NGEF: variants seen among roughly 807,000 people sequenced by gnomAD.
NGEF encodes neuronal guanine nucleotide exchange factor.
Under a neutral mutation model 80.9 loss-of-function variants are expected in NGEF, and 31 were observed. The ratio of observed to expected loss-of-function variants is 0.38; its 90% confidence interval spans 0.29 to 0.52. The LOEUF is 0.52. NGEF is among the 20% of genes least tolerant of loss of function. The pLI is 0.84. For missense variants in NGEF, 709 were observed against 926.2 expected, an observed-to-expected ratio of 0.77 and a Z score of 3.04; for synonymous variants, 371 against 370.2, an observed-to-expected ratio of 1.00 and a Z score of -0.03.
At chr2:232,954,720 G>T (rs552322321) in intron 3 of NGEF, among the ~76,000 whole-genome samples, 7 of 118,178 alleles carry the variant, frequency 5.9e-5, no homozygotes, top group African/African-American at 1.9e-4. Flanking sequence ...GCGAGACTCC[G>T]TCTCAAAAGA....
At chr2:232,956,202 G>T (rs535401336) in intron 3 of NGEF, among the ~76,000 whole-genome samples, 2 of 151,676 alleles carry the variant, frequency 1.3e-5, no homozygotes, top group Admixed American at 1.3e-4. Context: ...CAACCACTCT[G>T]AGTGGTTGTC....
chr2:232,988,771 C>A (rs1411873220), intron 1 of NGEF, among the ~76,000 whole-genome samples: 1 of 151,906 alleles, frequency 6.6e-6, no homozygotes, highest in Non-Finnish European at 1.5e-5. Context: ...GAAACTGGCC[C>A]CACAGATGAG....
At chr2:232,967,526 G>C (rs1694087043) in intron 3 of NGEF, among the ~76,000 whole-genome samples, 1 of 151,906 alleles carries the variant, frequency 6.6e-6, no homozygotes, top group African/African-American at 2.4e-5. Context: ...GAAGAGACAG[G>C]GTTTTGTCAT....
chr2:233,009,470 A>G, intron 1 of NGEF, among the ~76,000 whole-genome samples: 1 of 151,940 alleles, frequency 6.6e-6, no homozygotes, highest in East Asian at 1.9e-4. Context: ...AGGACACCCC[A>G]CTGCACCCGG....
intron 3 of NGEF, among the ~76,000 whole-genome samples, chr2:232,943,143 C>T (rs1037916340): frequency 6.6e-6 from 1 of 151,758 alleles, no homozygotes; most frequent in Non-Finnish European, 1.5e-5. Context: ...GATAGATGGC[C>T]CTTAATAGGT....
chr2:232,897,305 G>A (rs1692130795), intron 5 of NGEF, among the ~76,000 whole-genome samples: 1 of 151,948 alleles, frequency 6.6e-6, no homozygotes, highest in Admixed American at 6.5e-5. Context: ...AACACAGTGG[G>A]CCCTGGAGTG....
At chr2:232,905,015 T>C (rs1029866146) in intron 5 of NGEF, among the ~76,000 whole-genome samples, 3 of 152,308 alleles carry the variant, frequency 2.0e-5, no homozygotes, top group Admixed American at 6.5e-5. Flanking sequence ...CTCTTTCCCA[T>C]TTCAGCTAGA....
intron 3 of NGEF, 152 bp downstream of exon 3, chr2:232,970,062 T>C: frequency 2.4e-6 from 1 of 408,192 alleles, no homozygotes; most frequent in Admixed American, 4.7e-5. Flanking sequence ...AATTATGGAG[T>C]TTTTATTTAT....
intron 1 of NGEF, among the ~76,000 whole-genome samples, chr2:232,992,462 G>GT (rs1694670601): frequency 6.6e-6 from 1 of 152,168 alleles, no homozygotes; most frequent in Non-Finnish European, 1.5e-5. Flanking sequence ...GGAGACTGAA[G>GT]TGGGAGGATC....
chr2:232,891,245 G>A, intron 8 of NGEF, 113 bp downstream of exon 8: 2 of 1,372,266 alleles, frequency 1.5e-6, no homozygotes, highest in Non-Finnish European at 2.0e-6. Context: ...ACACATGGGA[G>A]GAGCTTAGTA....
chr2:232,889,847 C>T (rs1441930372), intron 8 of NGEF, among the ~76,000 whole-genome samples: 1 of 152,168 alleles, frequency 6.6e-6, no homozygotes, highest in Non-Finnish European at 1.5e-5. Flanking sequence ...GTAGCTGCCC[C>T]TAGGTCTTTG....
chr2:232,986,133 A>G (rs905589730), intron 1 of NGEF, among the ~76,000 whole-genome samples: 1 of 152,220 alleles, frequency 6.6e-6, no homozygotes, highest in Non-Finnish European at 1.5e-5. Context: ...ATCACTGATC[A>G]ATAGAAAAAG....
At chr2:233,009,476 C>T (rs1695157952) in intron 1 of NGEF, among the ~76,000 whole-genome samples, 1 of 152,012 alleles carries the variant, frequency 6.6e-6, no homozygotes, top group African/African-American at 2.4e-5. Flanking sequence ...CCCCACTGCA[C>T]CCGGTTCATA....
chr2:232,964,170 A>C (rs1286286268), intron 3 of NGEF, among the ~76,000 whole-genome samples: 1 of 152,142 alleles, frequency 6.6e-6, no homozygotes, highest in African/African-American at 2.4e-5. Context: ...CATTTTGAGA[A>C]ATTATTTGCC....
At chr2:232,987,025 C>CT (rs969232512) in intron 1 of NGEF, among the ~76,000 whole-genome samples, 28 of 151,186 alleles carry the variant, frequency 1.9e-4, no homozygotes, top group African/African-American at 5.6e-4. Context: ...CTCTTTCTTT[C>CT]TTTTTTTTTG....
rs1692924253 is a variant in NGEF at position 232,920,711 on chromosome 2, G to A, written c.527-126C>T. ...CTGTGTCCAGGAATACACAGTGCAA[G>A]CCAGCCCTGCACCCATCTCAGCGGC... On this transcript the variant is annotated intron_variant, in intron 4 of 14. Transcript: ENST00000264051. The A allele has an allele frequency of 3.4e-6, 3 of 872,700 alleles. No homozygotes were observed. The South Asian group carries it at 6.0e-5, about 18-fold the overall frequency. 54.1% of individuals were successfully genotyped at this position (872,700 alleles called of 1,614,324 possible).
intron 12 of NGEF, 98 bp from the exon 13 acceptor site, chr2:232,882,363 G>T: frequency 1.8e-6 from 2 of 1,109,886 alleles, no homozygotes; most frequent in South Asian, 2.7e-5. Context: ...TCGGATCTGC[G>T]TCCACCATCC....
At chr2:232,888,176 C>G (rs892951341) in intron 8 of NGEF, 69 bp from the exon 9 acceptor site, 1 of 1,174,166 alleles carries the variant, frequency 8.5e-7, no homozygotes, top group Non-Finnish European at 1.2e-6. Flanking sequence ...CCACCTTGAC[C>G]GTGACTACCT....
intron 4 of NGEF, among the ~76,000 whole-genome samples, 177 bp from the exon 5 acceptor site, chr2:232,920,762 C>A (rs1184032012): frequency 6.6e-6 from 1 of 152,184 alleles, no homozygotes; most frequent in Non-Finnish European, 1.5e-5. Flanking sequence ...GGATACACTG[C>A]CATCGTCCTC....
Sources: gnomAD v4.1 joint callset for allele counts (sites outside exome capture counted in the v4.1 genomes callset) on GRCh38, gnomAD v4.1.1 for gene constraint, MANE v1.5 for transcripts, NCBI Gene and HGNC (gene_info 2026-07-23, HGNC 2026-07-21) for gene names.